PIAS2: variants seen among roughly 807,000 people sequenced by gnomAD.
The protein encoded by PIAS2 is protein inhibitor of activated STAT 2.
PIAS2 carries 19 observed loss-of-function variants against 69.7 expected under a neutral mutation model. That is an observed-to-expected ratio of 0.27 (90% CI 0.19 to 0.40). PIAS2 has a LOEUF of 0.40. Ranked by LOEUF, PIAS2 falls within the 10% of genes least tolerant of loss-of-function variation. PIAS2 has a pLI of 1.00. For missense variants in PIAS2, 624 were observed against 757.0 expected (o/e 0.82, Z 2.06); for synonymous variants, 261 against 263.2 (o/e 0.99, Z 0.08).
At chr18:46,820,871 A>AT (rs1385870226) in intron 12 of PIAS2, 62 bp downstream of exon 12, 60 of 1,511,954 alleles carry the variant, frequency 4.0e-5, no homozygotes, top group Non-Finnish European at 5.1e-5. Context: ...GGCTTCACAG[A>AT]TTAAGATTAA....
At chr18:46,875,469 T>A (rs2051024204) in intron 2 of PIAS2, among the ~76,000 whole-genome samples, 1 of 152,124 alleles carries the variant, frequency 6.6e-6, no homozygotes, top group Non-Finnish European at 1.5e-5. Flanking sequence ...ACCCTCCATA[T>A]TCGAATGGTA....
intron 9 of PIAS2, 186 bp downstream of exon 9, chr18:46,836,171 C>T (rs1322472750): frequency 4.1e-6 from 2 of 483,846 alleles, no homozygotes; most frequent in South Asian, 4.2e-5. Context: ...GATAAAAATG[C>T]CACTAACCAC....
chr18:46,818,283 AAT>A, intron 12 of PIAS2: 1 of 1,346,452 alleles, frequency 7.4e-7, no homozygotes. Flanking sequence ...CGCACCTGAC[AAT>A]ATGGCACTAG....
chr18:46,890,499 G>GCA (rs1461006601), intron 2 of PIAS2, 81 bp downstream of exon 2: 4 of 873,012 alleles, frequency 4.6e-6, no homozygotes, highest in Admixed American at 2.6e-5. Context: ...TATATTAACA[G>GCA]CACATCATTA....
intron 1 of PIAS2, chr18:46,914,909 A>G (rs1397446817): frequency 6.6e-6 from 1 of 152,192 alleles, no homozygotes; most frequent in African/African-American, 2.4e-5. Context: ...TCCAAGGACC[A>G]TCATTTTGAG....
Position 46,917,284 on chromosome 18 carries a change from C to A in PIAS2, c.24+38G>T, listed in dbSNP as rs773919177. 19 of 1,457,548 alleles carry A rather than the reference C, an allele frequency of 1.3e-5. No homozygotes were observed. In the South Asian group the frequency reaches 2.4e-4, roughly 18 times the overall value. The allele number at this position is 1,457,548 out of a possible 1,614,324, so 90.3% of individuals were successfully genotyped here. On this transcript the variant is annotated intron_variant, in intron 1 of 13. Coordinates refer to ENST00000585916, the MANE Select transcript of PIAS2 (RefSeq NM_004671.5). Reference sequence around the variant, plus strand: ...GCGGTTTCCCCACCTCCTCTCCCATCCCCTCCCCCGCGGCCTCCGCTCTCC... The same window carrying A: ...GCGGTTTCCCCACCTCCTCTCCCATACCCTCCCCCGCGGCCTCCGCTCTCC...
At chr18:46,817,547 G>C in intron 12 of PIAS2, 1 of 927,934 alleles carries the variant, frequency 1.1e-6, no homozygotes, top group Non-Finnish European at 1.3e-6. Context: ...AGTTTATTTA[G>C]AAAACAATTA....
chr18:46,829,680 G>A, intron 10 of PIAS2, 54 bp downstream of exon 10: 1 of 1,514,118 alleles, frequency 6.6e-7, no homozygotes, highest in Non-Finnish European at 9.0e-7. Context: ...CAAGATTAAT[G>A]ATAATGTTGC....
chr18:46,915,242 G>A (rs962548640), intron 1 of PIAS2: 2 of 152,114 alleles, frequency 1.3e-5, no homozygotes, highest in African/African-American at 2.4e-5. Context: ...AATTAAATAA[G>A]TATAGAAAAA....
At chr18:46,888,665 A>G (rs541663072) in intron 2 of PIAS2, among the ~76,000 whole-genome samples, 2 of 152,296 alleles carry the variant, frequency 1.3e-5, no homozygotes, top group South Asian at 4.1e-4. Context: ...ACCTCAGATC[A>G]TCAGGCATTA....
At chr18:46,878,963 C>G (rs2051715889) in intron 2 of PIAS2, among the ~76,000 whole-genome samples, 1 of 152,180 alleles carries the variant, frequency 6.6e-6, no homozygotes, top group African/African-American at 2.4e-5. Context: ...AAAGATAAAC[C>G]AAGAGGTTTT....
At chr18:46,818,997 A>G (rs72907114) in intron 12 of PIAS2, among the ~76,000 whole-genome samples, 6,232 of 152,224 alleles carry the variant, frequency 0.041, 172 homozygotes, top group Non-Finnish European at 0.064. Context: ...TTCTGAAATA[A>G]TGTAAATTTC....
At chr18:46,905,757 A>G (rs2146225945) in intron 1 of PIAS2, 1 of 152,306 alleles carries the variant, frequency 6.6e-6, no homozygotes, top group South Asian at 2.1e-4. Context: ...ACTTGAAAAT[A>G]TGAACAGTCC....
chr18:46,881,990 G>A (rs1223179959), intron 2 of PIAS2, among the ~76,000 whole-genome samples: 1 of 151,962 alleles, frequency 6.6e-6, no homozygotes, highest in African/African-American at 2.4e-5. Flanking sequence ...CCAGCTACTC[G>A]GGAGGCTGAG....
At chr18:46,817,233 C>T in intron 12 of PIAS2, 1 of 981,368 alleles carries the variant, frequency 1.0e-6, no homozygotes, top group Non-Finnish European at 1.2e-6. Context: ...GTAACTGAAA[C>T]CTTTTTATAA....
At chr18:46,817,514 T>C in intron 12 of PIAS2, 3 of 943,996 alleles carry the variant, frequency 3.2e-6, no homozygotes, top group South Asian at 4.9e-5. Flanking sequence ...TCTTTGATGA[T>C]TTCATGTGTG....
rs2144675469 is a variant in PIAS2, at chr18:46,809,084, C to A, written c.*3349G>T. 1.3e-5 allele frequency: 2 copies of A among 152,238 alleles called. No individual in the cohort carries two copies. The highest frequency in any genetic ancestry group is 6.8e-3 in the Middle Eastern group (2 of 294). The allele number at this position is 152,238 out of a possible 1,614,324, so 9.4% of individuals were successfully genotyped here. A position where few individuals can be genotyped will look rare whatever the true frequency, so the allele number is the denominator to read the frequency against. ...TGGTCAATCCTACTTTGCTTAAAAT[C>A]CAACATTTTACCTTTCTTCAAATTC... On this transcript the variant is annotated 3_prime_UTR_variant, in exon 14 of 14. Transcript: ENST00000585916.
chr18:46,884,663 C>T (rs1232969407), intron 2 of PIAS2, among the ~76,000 whole-genome samples: 3 of 151,968 alleles, frequency 2.0e-5, no homozygotes, highest in Non-Finnish European at 4.4e-5. Context: ...CGCCTGTAAT[C>T]CCAGCACTTT....
intron 10 of PIAS2, 54 bp from the exon 11 acceptor site, chr18:46,828,184 C>A: frequency 6.8e-7 from 1 of 1,473,888 alleles, no homozygotes; most frequent in South Asian, 1.3e-5. Flanking sequence ...CACAAATAAA[C>A]TCTAGTGGTA....
Sources: gnomAD v4.1 joint callset for allele counts (sites outside exome capture counted in the v4.1 genomes callset) on GRCh38, gnomAD v4.1.1 for gene constraint, MANE v1.5 for transcripts, NCBI Gene and HGNC (gene_info 2026-07-23, HGNC 2026-07-21) for gene names.